SEPTIN9: variants seen among roughly 807,000 people sequenced by gnomAD.
SEPTIN9 encodes the protein septin-9.
In SEPTIN9, 13 loss-of-function variants were observed where a neutral mutation model predicts 56.6. The observed-to-expected ratio is 0.23, with a 90% confidence interval of 0.15 to 0.37. The LOEUF is 0.37. SEPTIN9 is among the 10% of genes least tolerant of loss of function. SEPTIN9 has a pLI of 1.00. For missense variants in SEPTIN9, 650 were observed against 823.1 expected (o/e 0.79, Z 2.57); for synonymous variants, 332 against 334.1 (o/e 0.99, Z 0.07).
At position 77,389,701 on chromosome 17, in the gene SEPTIN9, GGGCGGCCCTCCCACCCAGGCCCT is replaced by G. The variant is rs530705099; in HGVS notation, c.77-12349_77-12327del. 4.0e-5 allele frequency among the ~76,000 whole-genome samples: 6 copies of G among 151,754 alleles called. No individual in the cohort carries two copies. In the South Asian group the frequency reaches 1.3e-3, roughly 32 times the overall value. On this transcript the variant is annotated intron_variant, in intron 2 of 11. Coordinates refer to ENST00000427177, the MANE Select transcript of SEPTIN9 (RefSeq NM_001113491.2). This position sits in a 1 kb window ranked among gnomAD's most constrained non-coding sequence, Gnocchi z 4.3. The stretch of plus-strand genomic sequence containing the variant: ...CTGCCTTCCACCAGGGACGGAGGGT[GGGCGGCCCTCCCACCCAGGCCCT>G]GGCGGCCCCACCCCAGCCAGGAAAT...
intron 3 of SEPTIN9, among the ~76,000 whole-genome samples, chr17:77,430,398 A>C (rs1335001136): frequency 1.3e-5 from 2 of 152,164 alleles, no homozygotes; most frequent in Admixed American, 1.3e-4. Flanking sequence ...CGGGGGGTGG[A>C]GGAACCCACT....
chr17:77,331,012 C>T (rs1170917588), intron 2 of SEPTIN9, among the ~76,000 whole-genome samples: 1 of 152,184 alleles, frequency 6.6e-6, no homozygotes, highest in Non-Finnish European at 1.5e-5. Flanking sequence ...TGCCAGCAGG[C>T]CCTGCTGCTC....
At chr17:77,377,647 G>T (rs909012682) in intron 2 of SEPTIN9, among the ~76,000 whole-genome samples, 5 of 152,176 alleles carry the variant, frequency 3.3e-5, no homozygotes, top group Non-Finnish European at 7.3e-5. Flanking sequence ...CGGGCTTCTG[G>T]GTGGGAAGGA....
chr17:77,391,455 T>C (rs2035538011), intron 2 of SEPTIN9, among the ~76,000 whole-genome samples: 1 of 152,190 alleles, frequency 6.6e-6, no homozygotes, highest in Non-Finnish European at 1.5e-5. Flanking sequence ...TCTCCCCCTG[T>C]CTGTGTGTCT....
Position 77,295,948 on chromosome 17 carries a change from C to G in SEPTIN9, c.20-11193C>G, listed in dbSNP as rs79457643. Among the ~76,000 whole-genome samples, 235 of 152,240 alleles carry G rather than the reference C, an allele frequency of 1.5e-3. 3 individuals carry two copies. In the East Asian group the frequency reaches 0.039, roughly 26 times the overall value. On this transcript the variant is annotated intron_variant, in intron 1 of 11. Transcript: ENST00000427177. The stretch of plus-strand genomic sequence containing the variant: ...CCCCTTGAATTCCTGCGTTGAAGCC[C>G]TAACTCCCAATGCAGCTGTAATTGA...
At chr17:77,467,930 G>A (rs1373080140) in intron 3 of SEPTIN9, among the ~76,000 whole-genome samples, 1 of 152,112 alleles carries the variant, frequency 6.6e-6, no homozygotes, top group Non-Finnish European at 1.5e-5. Context: ...TAGTGAATGC[G>A]ACAGACCCCA....
rs2034794715 is a variant in SEPTIN9 at position 77,373,459 on chromosome 17, G to A, written c.77-28600G>A. On this transcript the variant is annotated intron_variant, in intron 2 of 11. Coordinates refer to ENST00000427177, the MANE Select transcript of SEPTIN9 (RefSeq NM_001113491.2). ...CGGGCCCCGCCGGGGGCGCTTCCTCGCCGCTGCCCTCCGCGCGACCCGCTG... is the reference window on the plus strand; with the variant it reads ...CGGGCCCCGCCGGGGGCGCTTCCTCACCGCTGCCCTCCGCGCGACCCGCTG... The A allele has an allele frequency of 3.3e-6, 5 of 1,496,650 alleles. No individual in the cohort carries two copies. In the African/African-American group the frequency reaches 5.8e-5, roughly 17 times the overall value. 92.7% of individuals were successfully genotyped at this position (1,496,650 alleles called of 1,614,324 possible). A position where few individuals can be genotyped will look rare whatever the true frequency, so the allele number is the denominator to read the frequency against.
intron 2 of SEPTIN9, among the ~76,000 whole-genome samples, chr17:77,336,243 A>G (rs975355824): frequency 1.3e-5 from 2 of 152,178 alleles, no homozygotes; most frequent in African/African-American, 2.4e-5. Context: ...TATAAATTTA[A>G]GAAGTAGCTT....
At position 77,454,119 on chromosome 17, in the gene SEPTIN9, G is replaced by A. The variant is rs2038090614; in HGVS notation, c.722-28025G>A. ...GGGTCAATGGCCAGGGTAAGCTGTG[G>A]GGGCTCCTCCCCGCCGGCCCCTCTC... On this transcript the variant is annotated intron_variant, in intron 3 of 11. Transcript: ENST00000427177. The A allele has an allele frequency of 4.1e-6, 4 of 985,712 alleles. 1 individual carries two copies. The highest frequency in any genetic ancestry group is 1.0e-3 in the Middle Eastern group (2 of 1,938). The allele number at this position is 985,712 out of a possible 1,614,324, so 61.1% of individuals were successfully genotyped here.
At chr17:77,315,964 G>T (rs535332825) in intron 2 of SEPTIN9, among the ~76,000 whole-genome samples, 1 of 152,346 alleles carries the variant, frequency 6.6e-6, no homozygotes, top group African/African-American at 2.4e-5. Flanking sequence ...GGCACAACCA[G>T]AGTTTCCCAA....
At chr17:77,345,083 T>C (rs978083421) in intron 2 of SEPTIN9, among the ~76,000 whole-genome samples, 1 of 151,262 alleles carries the variant, frequency 6.6e-6, no homozygotes, top group Non-Finnish European at 1.5e-5. Flanking sequence ...AAATACTGTA[T>C]GATTTCACTT....
At chr17:77,352,312 C>T (rs1263594968) in intron 2 of SEPTIN9, among the ~76,000 whole-genome samples, 1 of 151,738 alleles carries the variant, frequency 6.6e-6, no homozygotes, top group Non-Finnish European at 1.5e-5. Context: ...GAGGCTGAGG[C>T]AGGAGAATGG....
intron 2 of SEPTIN9, among the ~76,000 whole-genome samples, chr17:77,386,904 C>T (rs1023917334): frequency 6.6e-6 from 1 of 152,248 alleles, no homozygotes; most frequent in Non-Finnish European, 1.5e-5. Flanking sequence ...CAGTGCAGGG[C>T]AGATGAGCAC....
intron 2 of SEPTIN9, among the ~76,000 whole-genome samples, chr17:77,341,910 G>A (rs569625696): frequency 6.0e-5 from 9 of 149,760 alleles, no homozygotes; most frequent in Admixed American, 2.0e-4. Flanking sequence ...ATGAAACCCC[G>A]TCTCTACTAA....
intron 2 of SEPTIN9, among the ~76,000 whole-genome samples, chr17:77,307,824 A>G (rs1439235551): frequency 2.0e-5 from 3 of 152,154 alleles, no homozygotes; most frequent in Non-Finnish European, 4.4e-5. Flanking sequence ...AAGGGACTCT[A>G]CCAACACTGG....
At chr17:77,447,040 C>T (rs2037768333) in intron 3 of SEPTIN9, 1 of 167,116 alleles carries the variant, frequency 6.0e-6, no homozygotes, top group South Asian at 2.1e-4. Context: ...ACCCCGTATC[C>T]ATGAAGGACT....
chr17:77,351,984 C>T (rs1486588209), intron 2 of SEPTIN9, among the ~76,000 whole-genome samples: 1 of 152,216 alleles, frequency 6.6e-6, no homozygotes, highest in Non-Finnish European at 1.5e-5. Flanking sequence ...GGTGACCCTG[C>T]AGATGAGACA....
chr17:77,359,042 C>T (rs1202723624), intron 2 of SEPTIN9, among the ~76,000 whole-genome samples: 2 of 152,204 alleles, frequency 1.3e-5, no homozygotes, highest in African/African-American at 2.4e-5. Context: ...GTCTGCACTC[C>T]AGCCAGAGGG....
intron 2 of SEPTIN9, among the ~76,000 whole-genome samples, chr17:77,390,460 T>C (rs1327519399): frequency 6.9e-6 from 1 of 143,920 alleles, no homozygotes; most frequent in African/African-American, 2.5e-5. Context: ...CGCTTTTTTT[T>C]TTTTTTTTTG....
Sources: gnomAD v4.1 joint callset for allele counts (sites outside exome capture counted in the v4.1 genomes callset) on GRCh38, gnomAD v4.1.1 for gene constraint, Gnocchi (gnomAD v3.1) non-coding constraint, MANE v1.5 for transcripts, NCBI Gene and HGNC (gene_info 2026-07-23, HGNC 2026-07-21) for gene names.